SLC44A5: variants seen among roughly 807,000 people sequenced by gnomAD.
The protein encoded by SLC44A5 is choline transporter-like protein 5.
SLC44A5 carries 57 observed loss-of-function variants against 101.8 expected under a neutral mutation model. The observed-to-expected ratio is 0.56, with a 90% CI of 0.45 to 0.70. The LOEUF (loss-of-function observed/expected upper bound fraction) is 0.70. SLC44A5 is among the 30% of genes least tolerant of loss of function. The pLI, the probability that SLC44A5 is intolerant of heterozygous loss-of-function variation, is 0.00. For synonymous variants in SLC44A5, 281 were observed against 290.9 expected (o/e 0.97, Z 0.35); for missense variants, 737 against 853.1 (o/e 0.86, Z 1.70).
chr1:75,582,468 C>A, intron 1 of SLC44A5: 1 of 621,200 alleles, frequency 1.6e-6, no homozygotes, highest in South Asian at 2.2e-5. Context: ...AAGGCCAAGA[C>A]CAAGGATCAA....
At chr1:75,480,535 G>C (rs1667772968) in intron 2 of SLC44A5, among the ~76,000 whole-genome samples, 1 of 152,124 alleles carries the variant, frequency 6.6e-6, no homozygotes, top group African/African-American at 2.4e-5. Context: ...TTCTTAAGCT[G>C]ATAAGCAACT....
the SLC44A5 span, among the ~76,000 whole-genome samples, chr1:75,723,301 T>C: frequency 1.3e-5 from 2 of 152,184 alleles, no homozygotes; most frequent in Non-Finnish European, 2.9e-5. Context: ...TGTTGATTTT[T>C]GCAACACTGA....
chr1:75,508,806 T>A (rs927020587), intron 2 of SLC44A5, among the ~76,000 whole-genome samples: 3 of 152,180 alleles, frequency 2.0e-5, no homozygotes, highest in African/African-American at 7.2e-5. Context: ...TGGGAATAAA[T>A]GAAATATTCT....
At chr1:75,311,539 C>T in intron 4 of SLC44A5, 1 of 984,642 alleles carries the variant, frequency 1.0e-6, no homozygotes, top group Non-Finnish European at 1.2e-6. Flanking sequence ...CAGGTACCAG[C>T]TCCTACTAAT....
chr1:75,304,548 GTTTC>G (rs1324363323), intron 4 of SLC44A5, among the ~76,000 whole-genome samples: 1 of 152,000 alleles, frequency 6.6e-6, no homozygotes, highest in African/African-American at 2.4e-5. Context: ...CCTTATCATT[GTTTC>G]TTTATTTTGA....
At position 75,238,596 on chromosome 1, in the gene SLC44A5, G is replaced by A. The variant is rs146272673; in HGVS notation, c.573C>T (p.Gly191=). 17 of 1,584,486 alleles carry A rather than the reference G, an allele frequency of 1.1e-5. No homozygotes were observed. In the East Asian group the frequency reaches 3.7e-4, roughly 35 times the overall value. ...RCFPDFSTKN[G]TLTIGSKMMF... ...TCATCTTACTTCCTATTGTTAAAGT[G>A]CCATTTTTGGTAGAGAAGTCAGGGA... is the stretch of plus-strand genomic sequence containing the variant. The change falls in exon 10 of 24, where the codon GGC becomes GGT. Residue 191 remains glycine (G), a synonymous_variant. Transcript: ENST00000370859.
chr1:75,267,401 A>T (rs569062186), intron 6 of SLC44A5, among the ~76,000 whole-genome samples: 5 of 152,188 alleles, frequency 3.3e-5, no homozygotes, highest in Admixed American at 2.0e-4. Context: ...TCTTTTTTAA[A>T]TTATTTAATT....
At chr1:75,704,633 T>C in the SLC44A5 span, among the ~76,000 whole-genome samples, 1 of 152,214 alleles carries the variant, frequency 6.6e-6, no homozygotes, top group Non-Finnish European at 1.5e-5. Flanking sequence ...CAGTGGTTAT[T>C]ACTGGTTTGT....
chr1:75,607,452 A>G (rs113393472), intron 1 of SLC44A5, among the ~76,000 whole-genome samples: 19 of 147,290 alleles, frequency 1.3e-4, no homozygotes, highest in African/African-American at 5.1e-4. Context: ...TTAATTGACA[A>G]ATAAAGACTG....
At chr1:75,655,979 C>A in the SLC44A5 span, among the ~76,000 whole-genome samples, 5 of 151,902 alleles carry the variant, frequency 3.3e-5, no homozygotes, top group African/African-American at 1.2e-4. Context: ...CTCCAAAGGT[C>A]AAAATTAAAG....
At chr1:75,723,508 G>C in the SLC44A5 span, among the ~76,000 whole-genome samples, 1 of 152,138 alleles carries the variant, frequency 6.6e-6, no homozygotes. Flanking sequence ...TGCCAGCCAC[G>C]TGTACAGTAA....
upstream of SLC44A5, among the ~76,000 whole-genome samples, chr1:75,615,436 TACACACACACACACACACAC>T (rs56337760): frequency 1.5e-5 from 2 of 133,508 alleles, no homozygotes; most frequent in African/African-American, 3.0e-5. Context: ...CACACATACA[TACACACACACACACACACAC>T]ACACACACAC....
At chr1:75,526,986 C>T (rs1390486512) in intron 2 of SLC44A5, among the ~76,000 whole-genome samples, 1 of 151,668 alleles carries the variant, frequency 6.6e-6, no homozygotes, top group African/African-American at 2.4e-5. Context: ...ATGCAAAAAA[C>T]TAGCCGGGCA....
intron 13 of SLC44A5, among the ~76,000 whole-genome samples, chr1:75,226,462 C>A (rs1279096266): frequency 6.6e-6 from 1 of 152,102 alleles, no homozygotes; most frequent in South Asian, 2.1e-4. Flanking sequence ...AATGTCTGCA[C>A]TTTGGTCACC....
the SLC44A5 span, among the ~76,000 whole-genome samples, chr1:75,722,499 T>C: frequency 6.6e-6 from 1 of 152,312 alleles, no homozygotes; most frequent in South Asian, 2.1e-4. Flanking sequence ...GGAGGACTGC[T>C]GAGGGTAGTT....
chr1:75,249,541 GC>G (rs988397453), intron 7 of SLC44A5, among the ~76,000 whole-genome samples: 74 of 152,196 alleles, frequency 4.9e-4, no homozygotes, highest in African/African-American at 1.7e-3. Flanking sequence ...GCTATAGGAA[GC>G]AATGGACAGG....
chr1:75,691,615 T>A, the SLC44A5 span, among the ~76,000 whole-genome samples: 1 of 152,176 alleles, frequency 6.6e-6, no homozygotes, highest in Non-Finnish European at 1.5e-5. Flanking sequence ...GGCCTTCTCC[T>A]AATCCTTGGT....
At chr1:75,399,771 G>C (rs1662357615) in intron 2 of SLC44A5, among the ~76,000 whole-genome samples, 1 of 152,108 alleles carries the variant, frequency 6.6e-6, no homozygotes. Flanking sequence ...AAAATATGTT[G>C]CTTTATTTAG....
rs1293183092 is a variant in SLC44A5, at chr1:75,408,803, C to T, written c.14-12182G>A. On this transcript the variant is annotated intron_variant, in intron 2 of 23. Coordinates refer to ENST00000370859, the MANE Select transcript of SLC44A5 (RefSeq NM_001130058.2). The stretch of plus-strand genomic sequence containing the variant: ...AGCAAACCACCATGGCACATGTATA[C>T]CTATGTAACAAACCTGCACGTTTTG... Among the ~76,000 whole-genome samples, 3 of 152,170 alleles carry T rather than the reference C, an allele frequency of 2.0e-5. No individual in the cohort carries two copies. The East Asian group carries it at 5.8e-4, about 29-fold the overall frequency.
Sources: gnomAD v4.1 joint callset for allele counts (sites outside exome capture counted in the v4.1 genomes callset) on GRCh38, gnomAD v4.1.1 for gene constraint, MANE v1.5 for transcripts, NCBI Gene and HGNC (gene_info 2026-07-23, HGNC 2026-07-21) for gene names.